SBF2: variants seen among roughly 807,000 people sequenced by gnomAD.
SBF2 encodes myotubularin-related protein 13.
A neutral mutation model predicts 225.2 loss-of-function variants in SBF2; 112 were observed. The observed-to-expected ratio is 0.50, with a 90% CI of 0.43 to 0.58. The LOEUF is 0.58. Ranked by LOEUF, SBF2 falls within the 20% of genes least tolerant of loss-of-function variation. The pLI is 0.00. For missense variants in SBF2, 1,996 were observed against 2,206.2 expected, an observed-to-expected ratio of 0.90 and a Z score of 1.91; for synonymous variants, 763 against 773.3, an observed-to-expected ratio of 0.99 and a Z score of 0.22.
intron 2 of SBF2, among the ~76,000 whole-genome samples, chr11:10,185,346 C>T (rs1056942096): frequency 3.3e-5 from 5 of 152,156 alleles, no homozygotes; most frequent in Non-Finnish European, 7.4e-5. Context: ...CTCTCCATAC[C>T]ATTTTCCATA....
At chr11:9,945,815 A>T (rs918832577) in intron 16 of SBF2, among the ~76,000 whole-genome samples, 2 of 152,258 alleles carry the variant, frequency 1.3e-5, no homozygotes, top group African/African-American at 4.8e-5. Context: ...TACATGGCCA[A>T]CAAGTATATA....
chr11:9,968,112 TA>T (rs1867086024), intron 14 of SBF2, among the ~76,000 whole-genome samples: 2 of 151,840 alleles, frequency 1.3e-5, no homozygotes, highest in Admixed American at 1.3e-4. Flanking sequence ...CATATCTCAA[TA>T]AAGCTGTTAT....
At position 9,780,735 on chromosome 11, in the gene SBF2, G is replaced by C. The variant is rs1851951162; in HGVS notation, c.5452-219C>G. 11 of 565,890 alleles carry C rather than the reference G, an allele frequency of 1.9e-5. No individual in the cohort carries two copies. The South Asian group carries it at 2.1e-4, about 11-fold the overall frequency. 35.1% of individuals were successfully genotyped at this position (565,890 alleles called of 1,614,324 possible). A position where few individuals can be genotyped will look rare whatever the true frequency, so the allele number is the denominator to read the frequency against. On this transcript the variant is annotated intron_variant, in intron 39 of 39. Transcript: ENST00000256190. The stretch of plus-strand genomic sequence containing the variant: ...TAGAAGGGTACTGGCAGGAAAGGGA[G>C]ACACACTGGGAGCGCCTTATTTTGC...
chr11:10,002,869 T>A (rs1453433768), intron 6 of SBF2, among the ~76,000 whole-genome samples, 180 bp from the exon 7 acceptor site: 1 of 152,250 alleles, frequency 6.6e-6, no homozygotes, highest in East Asian at 1.9e-4. Flanking sequence ...ACTTTCAGTT[T>A]TGCCTTTATT....
At chr11:9,795,608 CAT>C (rs1279446394) in intron 33 of SBF2, among the ~76,000 whole-genome samples, 1 of 152,296 alleles carries the variant, frequency 6.6e-6, no homozygotes, top group East Asian at 1.9e-4. Flanking sequence ...AAATAGTAAA[CAT>C]ATTTAATTTT....
chr11:10,167,173 T>C (rs1335634815), intron 2 of SBF2, among the ~76,000 whole-genome samples: 1 of 152,248 alleles, frequency 6.6e-6, no homozygotes, highest in Admixed American at 6.5e-5. Context: ...TTTTGAATTA[T>C]ATACAAATAG....
chr11:10,225,644 T>G (rs1405294063), intron 1 of SBF2, among the ~76,000 whole-genome samples: 2 of 152,170 alleles, frequency 1.3e-5, no homozygotes, highest in Non-Finnish European at 2.9e-5. Context: ...GTTTTTTGCC[T>G]TCATTTATTT....
At chr11:10,121,480 C>T (rs1465916519) in intron 2 of SBF2, among the ~76,000 whole-genome samples, 3 of 152,220 alleles carry the variant, frequency 2.0e-5, no homozygotes, top group African/African-American at 7.2e-5. Flanking sequence ...ATATATCCCC[C>T]TCCCACCACC....
At position 9,795,964 on chromosome 11, in the gene SBF2, C is replaced by T; in HGVS notation, c.4444-7G>A. The T allele has an allele frequency of 6.2e-7, 1 of 1,612,358 alleles. No homozygotes were observed. Among genetic ancestry groups the T allele is most frequent in the Non-Finnish European group, 8.5e-7 (1 of 1,179,850 alleles). Reference sequence around the variant, plus strand: ...TTGGATACTGGTTGTGAACCTGAAACACACAAGGCAAAGAAAAGAGTAAGA... The same window carrying T: ...TTGGATACTGGTTGTGAACCTGAAATACACAAGGCAAAGAAAAGAGTAAGA... On this transcript the variant is annotated splice_region_variant and splice_polypyrimidine_tract_variant and intron_variant, in intron 32 of 39. Coordinates refer to ENST00000256190, the MANE Select transcript of SBF2 (RefSeq NM_030962.4).
chr11:9,953,337 G>C (rs1865968774), intron 16 of SBF2, among the ~76,000 whole-genome samples: 2 of 152,098 alleles, frequency 1.3e-5, no homozygotes, highest in African/African-American at 4.8e-5. Context: ...CCAGCTACTC[G>C]GGAGGCTGAG....
At chr11:10,252,977 C>A (rs2135491243) in intron 1 of SBF2, among the ~76,000 whole-genome samples, 1 of 152,184 alleles carries the variant, frequency 6.6e-6, no homozygotes, top group Admixed American at 6.5e-5. Flanking sequence ...CTCTGTGAAT[C>A]TGCTGTGATT....
chr11:9,887,163 T>C (rs1860399684), intron 17 of SBF2, among the ~76,000 whole-genome samples: 2 of 151,976 alleles, frequency 1.3e-5, no homozygotes, highest in Admixed American at 6.6e-5. Flanking sequence ...TGAAAAAAGT[T>C]AATTATCATT....
At chr11:10,287,931 T>C (rs1275139264) in intron 1 of SBF2, among the ~76,000 whole-genome samples, 4 of 152,222 alleles carry the variant, frequency 2.6e-5, no homozygotes, top group East Asian at 1.9e-4. Flanking sequence ...CAGTCAGACA[T>C]GTCAGCTGCT....
intron 1 of SBF2, among the ~76,000 whole-genome samples, chr11:10,196,362 T>C (rs139782291): frequency 1.6e-4 from 24 of 152,302 alleles, no homozygotes; most frequent in African/African-American, 5.5e-4. Flanking sequence ...TAATGTATTT[T>C]ACGTTCAAGA....
chr11:9,811,027 AGCC>A (rs1854150006), intron 30 of SBF2: 1 of 152,260 alleles, frequency 6.6e-6, no homozygotes, highest in Non-Finnish European at 1.5e-5. Context: ...AATACTACAC[AGCC>A]ATAAAAAGAA....
intron 17 of SBF2, among the ~76,000 whole-genome samples, chr11:9,875,312 T>A (rs970011330): frequency 3.9e-5 from 6 of 152,220 alleles, no homozygotes; most frequent in Non-Finnish European, 8.8e-5. Flanking sequence ...GGACTGCAGA[T>A]GGTTTTCAAG....
chr11:10,118,847 T>C (rs577833414), intron 2 of SBF2, among the ~76,000 whole-genome samples: 1 of 151,366 alleles, frequency 6.6e-6, no homozygotes, highest in East Asian at 1.9e-4. Flanking sequence ...TTACCTAAGG[T>C]TCATTTAGCA....
chr11:10,174,535 C>T lies in SBF2; in HGVS notation c.141+19367G>A, dbSNP rs1341558752. Among the ~76,000 whole-genome samples the T allele has an allele frequency of 1.5e-4, 23 of 152,266 alleles. No homozygotes were observed. The East Asian group carries it at 1.5e-3, about 10-fold the overall frequency. On this transcript the variant is annotated intron_variant, in intron 2 of 39. Transcript: ENST00000256190. ...GGGAAAAGACCAAATCTACGTCTGA[C>T]TGGTGTACCTGAAAGTGATGGGGAG...
chr11:10,168,081 T>C (rs1956047405), intron 2 of SBF2, among the ~76,000 whole-genome samples: 1 of 152,210 alleles, frequency 6.6e-6, no homozygotes, highest in East Asian at 1.9e-4. Context: ...ACTGTTTTTT[T>C]ACAGTACTTA....
Sources: allele counts gnomAD v4.1 joint callset (sites outside exome capture counted in the v4.1 genomes callset), GRCh38; gene constraint gnomAD v4.1.1; transcripts MANE v1.5; gene names NCBI Gene and HGNC (gene_info 2026-07-23, HGNC 2026-07-21).